The following STXBP4 variants were observed in gnomAD, a reference collection of about 807,000 sequenced individuals.
STXBP4 encodes the protein syntaxin-binding protein 4.
STXBP4 carries 55 observed loss-of-function variants against 76.1 expected under a neutral mutation model. That is an observed-to-expected ratio of 0.72 (90% confidence interval 0.58 to 0.91). The LOEUF is 0.91. STXBP4 is among the 40% of genes least tolerant of loss of function. STXBP4 has a pLI of 0.00. For synonymous variants in STXBP4, 201 were observed against 220.2 expected (o/e 0.91, Z 0.77); for missense variants, 618 against 636.9 (o/e 0.97, Z 0.32).
intron 16 of STXBP4, among the ~76,000 whole-genome samples, chr17:55,135,836 A>G (rs244312): frequency 0.64 from 96,968 of 151,954 alleles, 31,813 homozygotes; most frequent in African/African-American, 0.79. Flanking sequence ...AATCTAGTTT[A>G]CTTTTTGTGT....
chr17:55,193,777 C>T, the STXBP4 span, among the ~76,000 whole-genome samples: 9 of 147,826 alleles, frequency 6.1e-5, no homozygotes, highest in South Asian at 1.7e-3. Flanking sequence ...TGGGCCTCCT[C>T]CTCTGCTTGT....
chr17:55,000,034 T>C (rs2077882175), intron 6 of STXBP4, among the ~76,000 whole-genome samples, 192 bp downstream of exon 6: 1 of 152,224 alleles, frequency 6.6e-6, no homozygotes, highest in African/African-American at 2.4e-5. Flanking sequence ...CAGCATGTCC[T>C]GTGTCCAGGA....
chr17:55,034,096 C>A, intron 9 of STXBP4, 72 bp from the exon 10 acceptor site: 1 of 1,104,276 alleles, frequency 9.1e-7, no homozygotes, highest in Non-Finnish European at 1.3e-6. Flanking sequence ...ACCTTAGCAA[C>A]TTCATATAGA....
In STXBP4 at chr17:55,118,061, T is replaced by C. The variant is rs537357475; in HGVS notation, c.1490-23249T>C. Among the ~76,000 whole-genome samples, 120 of 152,094 alleles carry C rather than the reference T, an allele frequency of 7.9e-4. 3 individuals are homozygous for C. In the South Asian group the frequency reaches 0.024, roughly 30 times the overall value. On this transcript the variant is annotated intron_variant, in intron 16 of 17. Coordinates refer to ENST00000376352, the MANE Select transcript of STXBP4 (RefSeq NM_178509.6). ...TTCAGCAAACATTTTTGAGGGCCTA[T>C]GATATGTCACGCATTTTGCTAGGCC... is the stretch of plus-strand genomic sequence containing the variant.
chr17:55,031,367 A>G, intron 9 of STXBP4, 103 bp downstream of exon 9: 1 of 969,774 alleles, frequency 1.0e-6, no homozygotes, highest in Non-Finnish European at 1.6e-6. Context: ...GGAGAGAATG[A>G]AAAGTAAAAC....
intron 12 of STXBP4, among the ~76,000 whole-genome samples, chr17:55,069,594 G>GC (rs1490819319): frequency 6.6e-6 from 1 of 152,112 alleles, no homozygotes; most frequent in African/African-American, 2.4e-5. Context: ...CTTTTAAACA[G>GC]CCATTCAGTG....
At chr17:54,994,386 G>A (rs189252975) in intron 4 of STXBP4, among the ~76,000 whole-genome samples, 3 of 152,216 alleles carry the variant, frequency 2.0e-5, no homozygotes, top group Admixed American at 2.0e-4. Context: ...ACCATATTCT[G>A]CTCAACTCTT....
the STXBP4 span, among the ~76,000 whole-genome samples, chr17:55,201,782 G>C: frequency 6.6e-6 from 1 of 152,298 alleles, no homozygotes. Context: ...ACATTTAAAT[G>C]TTTGAGCAGA....
intron 7 of STXBP4, among the ~76,000 whole-genome samples, chr17:55,004,039 C>G (rs982923157): frequency 2.0e-5 from 3 of 151,876 alleles, no homozygotes; most frequent in Non-Finnish European, 4.4e-5. Context: ...ATTAGCCAGG[C>G]ACAGTGGTGC....
At chr17:55,048,969 T>C (rs1368096622) in intron 12 of STXBP4, among the ~76,000 whole-genome samples, 2 of 151,914 alleles carry the variant, frequency 1.3e-5, no homozygotes, top group East Asian at 3.8e-4. Flanking sequence ...GTAAAATTAT[T>C]AGACTTTAGA....
chr17:55,105,914 C>G lies in STXBP4; in HGVS notation c.1489+24731C>G, dbSNP rs767976866. On this transcript the variant is annotated intron_variant, in intron 16 of 17. Coordinates refer to ENST00000376352, the MANE Select transcript of STXBP4 (RefSeq NM_178509.6). ...TTTTAGAATAAGTGCAATGTGTTGC[C>G]GAGAATAATGTATATTCTGTTGATT... Among the ~76,000 whole-genome samples, 6 of 151,958 alleles carry G rather than the reference C, an allele frequency of 3.9e-5. 1 individual carries two copies. The highest frequency in any genetic ancestry group is 5.9e-5 in the Non-Finnish European group (4 of 67,998).
chr17:55,038,755 C>T (rs2078646658), intron 10 of STXBP4, among the ~76,000 whole-genome samples: 1 of 145,342 alleles, frequency 6.9e-6, no homozygotes, highest in Non-Finnish European at 1.5e-5. Flanking sequence ...CCAGACTAAT[C>T]AAGTACTGTA....
chr17:55,051,687 T>G (rs1386542865), intron 12 of STXBP4, among the ~76,000 whole-genome samples: 1 of 152,074 alleles, frequency 6.6e-6, no homozygotes, highest in Non-Finnish European at 1.5e-5. Context: ...GAGGCCACAG[T>G]GTGCTATTAT....
intron 9 of STXBP4, among the ~76,000 whole-genome samples, chr17:55,033,247 G>A (rs1049463051): frequency 1.3e-5 from 2 of 151,980 alleles, no homozygotes; most frequent in African/African-American, 2.4e-5. Context: ...GGTGGTGCAC[G>A]CCTGTAATCC....
At position 55,163,489 on chromosome 17, in the gene STXBP4, G is replaced by A. The variant is rs1472429543; in HGVS notation, c.*3578G>A. 1 of 152,124 alleles carries A rather than the reference G, an allele frequency of 6.6e-6. No homozygotes were observed. Among genetic ancestry groups the A allele is most frequent in the Non-Finnish European group, 1.5e-5 (1 of 68,022 alleles). 9.4% of individuals were successfully genotyped at this position (152,124 alleles called of 1,614,324 possible). A position where few individuals can be genotyped will look rare whatever the true frequency, so the allele number is the denominator to read the frequency against. On this transcript the variant is annotated 3_prime_UTR_variant, in exon 18 of 18. Transcript: ENST00000376352. ...CTAAAGTACCAAGCACAATACAAATGCATCTTCGAGTTCTTTGGGCCTCAC... is the reference window on the plus strand; with the variant it reads ...CTAAAGTACCAAGCACAATACAAATACATCTTCGAGTTCTTTGGGCCTCAC...
intron 17 of STXBP4, among the ~76,000 whole-genome samples, chr17:55,159,283 A>G (rs577273799): frequency 6.6e-6 from 1 of 152,150 alleles, no homozygotes; most frequent in Non-Finnish European, 1.5e-5. Flanking sequence ...TAAAAATTTT[A>G]AAAAGCAGGT....
chr17:55,130,263 CAAGAACTTGG>C (rs1242111473), intron 16 of STXBP4, among the ~76,000 whole-genome samples: 1 of 152,204 alleles, frequency 6.6e-6, no homozygotes, highest in Non-Finnish European at 1.5e-5. Flanking sequence ...ACAGAACTTT[CAAGAACTTGG>C]ATCTAATGGG....
chr17:54,986,567 T>C (rs1321374472), intron 3 of STXBP4, among the ~76,000 whole-genome samples: 1 of 152,134 alleles, frequency 6.6e-6, no homozygotes, highest in Non-Finnish European at 1.5e-5. Flanking sequence ...TGTAGTATGC[T>C]ATGATTGTAC....
chr17:55,043,373 A>G (rs2078735728), intron 11 of STXBP4, 48 bp downstream of exon 11: 5 of 1,169,080 alleles, frequency 4.3e-6, no homozygotes, highest in Non-Finnish European at 5.8e-6. Flanking sequence ...AAAAAAAGAA[A>G]AAGAAAAAAA....
Sources: gnomAD v4.1 joint callset for allele counts (sites outside exome capture counted in the v4.1 genomes callset) on GRCh38, gnomAD v4.1.1 for gene constraint, MANE v1.5 for transcripts, NCBI Gene and HGNC (gene_info 2026-07-23, HGNC 2026-07-21) for gene names.